The following KCNIP4 variants were observed in gnomAD, a reference collection of about 807,000 sequenced individuals.
The protein encoded by KCNIP4 is Kv channel-interacting protein 4.
KCNIP4 carries 12 observed loss-of-function variants against 34.0 expected under a neutral mutation model. The ratio of observed to expected loss-of-function variants is 0.35; its 90% CI spans 0.23 to 0.57. The LOEUF (loss-of-function observed/expected upper bound fraction) is 0.57, where lower values mean the gene tolerates loss of function less well. Ranked by LOEUF, KCNIP4 falls within the 20% of genes least tolerant of loss-of-function variation. The pLI is 0.83. For missense variants in KCNIP4, 238 were observed against 311.7 expected (o/e 0.76, Z 1.78); for synonymous variants, 124 against 102.2 (o/e 1.21, Z -1.29).
intron 1 of KCNIP4, among the ~76,000 whole-genome samples, chr4:21,781,901 C>CAT (rs1263896502): frequency 2.0e-5 from 3 of 151,782 alleles, no homozygotes; most frequent in Non-Finnish European, 4.4e-5. Context: ...TTAACTAATG[C>CAT]ATATATAGTT....
chr4:21,062,783 G>A (rs1744037257), intron 1 of KCNIP4, among the ~76,000 whole-genome samples: 1 of 152,070 alleles, frequency 6.6e-6, no homozygotes, highest in South Asian at 2.1e-4. Flanking sequence ...TTGAAGGCAA[G>A]AACAATTCCC....
intron 2 of KCNIP4, among the ~76,000 whole-genome samples, chr4:20,855,381 G>C (rs10516364): frequency 0.46 from 70,480 of 151,974 alleles, 18,912 homozygotes; most frequent in African/African-American, 0.75. Context: ...ACTACAGATT[G>C]GAGACTCAGA....
intron 1 of KCNIP4, among the ~76,000 whole-genome samples, chr4:21,001,520 G>A (rs895724210): frequency 7.9e-5 from 12 of 152,190 alleles, no homozygotes; most frequent in African/African-American, 2.9e-4. Flanking sequence ...GGGATTTGAA[G>A]TGGCCTACCT....
chr4:21,186,252 C>T (rs1475071602), intron 1 of KCNIP4, among the ~76,000 whole-genome samples: 1 of 152,162 alleles, frequency 6.6e-6, no homozygotes. Context: ...CATAAGGAAA[C>T]AGTGACTTTG....
At chr4:20,778,994 CAG>C (rs1184805856) in intron 3 of KCNIP4, among the ~76,000 whole-genome samples, 1 of 151,794 alleles carries the variant, frequency 6.6e-6, no homozygotes, top group Non-Finnish European at 1.5e-5. Context: ...GAGGAAGAGA[CAG>C]GGAGGAGGAG....
chr4:20,844,228 G>A (rs767084551), intron 3 of KCNIP4, among the ~76,000 whole-genome samples: 4 of 152,170 alleles, frequency 2.6e-5, no homozygotes, highest in Non-Finnish European at 5.9e-5. Context: ...AAGGGAGGTC[G>A]TGTTAACTGC....
intron 1 of KCNIP4, among the ~76,000 whole-genome samples, chr4:20,962,242 G>T (rs202030416): frequency 6.6e-6 from 1 of 152,172 alleles, no homozygotes; most frequent in Admixed American, 6.5e-5. Flanking sequence ...GTGAACTGGG[G>T]ATCCATCCCC....
chr4:21,688,775 C>T (rs1463857474), intron 1 of KCNIP4, among the ~76,000 whole-genome samples: 1 of 151,922 alleles, frequency 6.6e-6, no homozygotes, highest in Non-Finnish European at 1.5e-5. Context: ...AGCTTTTTAG[C>T]AAAACTTCCT....
chr4:21,047,842 T>C (rs1387811445), intron 1 of KCNIP4, among the ~76,000 whole-genome samples: 1 of 152,226 alleles, frequency 6.6e-6, no homozygotes, highest in African/African-American at 2.4e-5. Flanking sequence ...CATTAATTAA[T>C]TCAAATCTCA....
chr4:21,911,248 C>T (rs576797771), intron 1 of KCNIP4, among the ~76,000 whole-genome samples: 7 of 152,242 alleles, frequency 4.6e-5, no homozygotes. Context: ...CAACCCCTAA[C>T]ATCTACTGCA....
chr4:21,884,145 T>C (rs922558000), intron 1 of KCNIP4, among the ~76,000 whole-genome samples: 3 of 152,144 alleles, frequency 2.0e-5, no homozygotes, highest in African/African-American at 7.2e-5. Flanking sequence ...TATTTTAGGA[T>C]GATAATAAGC....
chr4:21,134,162 T>C (rs988573794), intron 1 of KCNIP4, among the ~76,000 whole-genome samples: 1 of 152,138 alleles, frequency 6.6e-6, no homozygotes, highest in African/African-American at 2.4e-5. Flanking sequence ...CAGGTCCAAT[T>C]ATTTGTGGAT....
chr4:20,797,563 A>T (rs1346442667), intron 3 of KCNIP4, among the ~76,000 whole-genome samples: 1 of 152,216 alleles, frequency 6.6e-6, no homozygotes, highest in African/African-American at 2.4e-5. Flanking sequence ...CAGAGAATTT[A>T]TCCAGGTGGG....
At chr4:21,167,085 T>C (rs1232415407) in intron 1 of KCNIP4, among the ~76,000 whole-genome samples, 1 of 151,538 alleles carries the variant, frequency 6.6e-6, no homozygotes, top group Non-Finnish European at 1.5e-5. Flanking sequence ...AAAATAATTA[T>C]ATATAAGAAG....
Position 21,559,920 on chromosome 4 carries a change from C to G in KCNIP4, c.61+388651G>C, listed in dbSNP as rs182802242. 4.7e-4 allele frequency among the ~76,000 whole-genome samples: 72 copies of G among 152,216 alleles called. No individual in the cohort carries two copies. In the East Asian group the frequency reaches 8.3e-3, roughly 18 times the overall value. On this transcript the variant is annotated intron_variant, in intron 1 of 8. Transcript: ENST00000382152. Reference sequence around the variant, plus strand: ...AAATTAGTTCAGCAGTTTAATTACACTGTGGATAACTTTTAATTTATTCAT... The same window carrying G: ...AAATTAGTTCAGCAGTTTAATTACAGTGTGGATAACTTTTAATTTATTCAT...
intron 1 of KCNIP4, among the ~76,000 whole-genome samples, chr4:21,203,914 A>C (rs1394395891): frequency 6.6e-6 from 1 of 152,178 alleles, no homozygotes; most frequent in Non-Finnish European, 1.5e-5. Flanking sequence ...ACTCCCGGGA[A>C]GGGCTGCTTC....
intron 1 of KCNIP4, among the ~76,000 whole-genome samples, chr4:21,854,007 C>T (rs945338959): frequency 1.3e-5 from 2 of 152,180 alleles, no homozygotes; most frequent in Non-Finnish European, 2.9e-5. Flanking sequence ...TCAGTGATCA[C>T]ACAGCCTAGG....
In KCNIP4 at chr4:21,719,977, A is replaced by AAAAAG. The variant is rs1553924589; in HGVS notation, c.61+228593_61+228594insCTTTT. On this transcript the variant is annotated intron_variant, in intron 1 of 8. Transcript: ENST00000382152. ...AAGCTCCATCTCAAAAAAAAAAAAA[A>AAAAAG]AAGAAGAAGAGGAAGAAGAAAAGAA... Among the ~76,000 whole-genome samples, 4 of 133,516 alleles carry AAAAAG rather than the reference A, an allele frequency of 3.0e-5. 1 individual carries two copies. Among genetic ancestry groups the AAAAAG allele is most frequent in the Non-Finnish European group, 4.7e-5 (3 of 64,198 alleles). 87.6% of individuals were successfully genotyped at this position (133,516 alleles called of 152,430 possible).
At chr4:21,265,952 T>A (rs1761779187) in intron 1 of KCNIP4, among the ~76,000 whole-genome samples, 1 of 152,254 alleles carries the variant, frequency 6.6e-6, no homozygotes, top group East Asian at 1.9e-4. Flanking sequence ...TGTTACAATT[T>A]CTTGAGCACT....
Sources: allele counts gnomAD v4.1 joint callset (sites outside exome capture counted in the v4.1 genomes callset), GRCh38; gene constraint gnomAD v4.1.1; transcripts MANE v1.5; gene names NCBI Gene and HGNC (gene_info 2026-07-23, HGNC 2026-07-21).